LRRC4C: variants seen among roughly 807,000 people sequenced by gnomAD.
LRRC4C encodes the protein leucine rich repeat containing 4C.
Under a neutral mutation model 33.6 loss-of-function variants are expected in LRRC4C, and 5 were observed. That is an observed-to-expected ratio of 0.15 (90% CI 0.08 to 0.31). LRRC4C has a LOEUF of 0.31. Ranked by LOEUF, LRRC4C falls within the 10% of genes least tolerant of loss-of-function variation. The pLI, the probability that LRRC4C is intolerant of heterozygous loss-of-function variation, is 1.00. For synonymous variants in LRRC4C, 329 were observed against 302.0 expected, an observed-to-expected ratio of 1.09 and a Z score of -0.93; for missense variants, 560 against 796.7, an observed-to-expected ratio of 0.70 and a Z score of 3.58.
chr11:40,695,655 C>A (rs1481412872), intron 2 of LRRC4C, among the ~76,000 whole-genome samples: 1 of 152,064 alleles, frequency 6.6e-6, no homozygotes, highest in Non-Finnish European at 1.5e-5. Flanking sequence ...AGGGGAGAAT[C>A]AATTTCCTTG....
intron 3 of LRRC4C, among the ~76,000 whole-genome samples, chr11:40,329,749 T>C (rs1331087471): frequency 2.0e-5 from 3 of 149,286 alleles, no homozygotes; most frequent in African/African-American, 7.5e-5. Flanking sequence ...TTTTTTTTTT[T>C]TTTTTTTTTT....
intron 3 of LRRC4C, among the ~76,000 whole-genome samples, chr11:40,431,007 T>C (rs1950903899): frequency 7.1e-6 from 1 of 140,394 alleles, no homozygotes; most frequent in South Asian, 2.4e-4. Context: ...AGATGAGGAG[T>C]TAGTGGGTGC....
At chr11:41,100,139 C>T (rs1215374139) in intron 1 of LRRC4C, among the ~76,000 whole-genome samples, 1 of 151,958 alleles carries the variant, frequency 6.6e-6, no homozygotes, top group Non-Finnish European at 1.5e-5. Flanking sequence ...CAAAAATCCA[C>T]CTAGGAATAC....
intron 1 of LRRC4C, among the ~76,000 whole-genome samples, chr11:41,305,601 TA>T (rs1950474107): frequency 1.5e-5 from 1 of 64,562 alleles, no homozygotes; most frequent in Non-Finnish European, 3.9e-5. Context: ...TCTGTGACCT[TA>T]CCCTCAACCC....
At chr11:40,450,084 T>C (rs1201590001) in intron 3 of LRRC4C, among the ~76,000 whole-genome samples, 1 of 152,168 alleles carries the variant, frequency 6.6e-6, no homozygotes, top group Non-Finnish European at 1.5e-5. Flanking sequence ...AAACCAATAA[T>C]GTATTGTTAT....
chr11:40,264,006 TGAGAAATAAATTCTAGATCTTGA>T (rs1404681056), intron 4 of LRRC4C, among the ~76,000 whole-genome samples: 1 of 152,150 alleles, frequency 6.6e-6, no homozygotes, highest in Non-Finnish European at 1.5e-5. Context: ...GGCACCGGAT[TGAGAAATAAATTCTAGATCTTGA>T]TTGATCCATT....
At chr11:40,513,266 A>G (rs571715015) in intron 3 of LRRC4C, among the ~76,000 whole-genome samples, 211 of 151,444 alleles carry the variant, frequency 1.4e-3, no homozygotes, top group African/African-American at 3.6e-3. Context: ...AAAAAAAAAA[A>G]AAAGAAAAGA....
At chr11:41,308,742 C>G (rs192056001) in intron 1 of LRRC4C, among the ~76,000 whole-genome samples, 7 of 151,788 alleles carry the variant, frequency 4.6e-5, no homozygotes, top group African/African-American at 1.7e-4. Flanking sequence ...AAAGTTGTTT[C>G]ACAGAAGACA....
intron 3 of LRRC4C, among the ~76,000 whole-genome samples, chr11:40,613,007 G>A (rs1278263181): frequency 1.3e-5 from 2 of 151,906 alleles, no homozygotes; most frequent in East Asian, 3.9e-4. Context: ...GCTTAAAAAT[G>A]CTAACAAGCA....
chr11:41,277,197 C>T (rs1949511439), intron 1 of LRRC4C, among the ~76,000 whole-genome samples: 1 of 151,938 alleles, frequency 6.6e-6, no homozygotes, highest in South Asian at 2.1e-4. Flanking sequence ...AAAATATTTC[C>T]CCAATTTAAA....
intron 2 of LRRC4C, among the ~76,000 whole-genome samples, chr11:40,731,872 G>T (rs1449047710): frequency 2.0e-5 from 3 of 151,902 alleles, no homozygotes; most frequent in African/African-American, 7.3e-5. Flanking sequence ...TCTATGAATG[G>T]AGTCTTCTGA....
intron 2 of LRRC4C, among the ~76,000 whole-genome samples, chr11:40,709,343 T>C (rs1591521864): frequency 6.6e-6 from 1 of 152,110 alleles, no homozygotes; most frequent in East Asian, 1.9e-4. Context: ...TGGCTGGTAG[T>C]AGTTGTTCTT....
intron 1 of LRRC4C, among the ~76,000 whole-genome samples, chr11:41,395,207 G>T (rs188105032): frequency 6.6e-6 from 1 of 151,884 alleles, no homozygotes; most frequent in Non-Finnish European, 1.5e-5. Flanking sequence ...AAAAATGAGC[G>T]CCTATTCTTG....
intron 2 of LRRC4C, among the ~76,000 whole-genome samples, chr11:40,676,493 A>G (rs1338109387): frequency 2.0e-5 from 3 of 152,184 alleles, no homozygotes; most frequent in Admixed American, 2.0e-4. Context: ...ATTATTGGAA[A>G]GGGTGTTTTA....
chr11:40,958,724 T>G (rs1460954869), intron 1 of LRRC4C, among the ~76,000 whole-genome samples: 1 of 151,814 alleles, frequency 6.6e-6, no homozygotes, highest in Non-Finnish European at 1.5e-5. Flanking sequence ...GCATTTAGTC[T>G]AATTCTTTTA....
chr11:40,614,362 C>T (rs2861924), intron 3 of LRRC4C, among the ~76,000 whole-genome samples: 5,689 of 151,870 alleles, frequency 0.037, 347 homozygotes, highest in African/African-American at 0.13. Flanking sequence ...AGCTCATGAA[C>T]CCACCTCTGC....
intron 2 of LRRC4C, among the ~76,000 whole-genome samples, chr11:40,914,145 T>C (rs1165225144): frequency 6.6e-6 from 1 of 152,168 alleles, no homozygotes; most frequent in African/African-American, 2.4e-5. Context: ...CCATTCCTTC[T>C]GATACTATTT....
At chr11:40,888,573 G>A (rs557194580) in intron 2 of LRRC4C, among the ~76,000 whole-genome samples, 58 of 151,992 alleles carry the variant, frequency 3.8e-4, no homozygotes, top group Middle Eastern at 6.8e-3. Context: ...TTCCCTCAAG[G>A]AAACTAAGTT....
rs920790107 is a variant in LRRC4C, at chr11:41,085,565, C to T, written c.-495-151842G>A. Among the ~76,000 whole-genome samples, 14 of 152,182 alleles carry T rather than the reference C, an allele frequency of 9.2e-5. No homozygotes were observed. The South Asian group carries it at 2.7e-3, about 29-fold the overall frequency. On this transcript the variant is annotated intron_variant, in intron 1 of 6. Coordinates refer to ENST00000528697, the MANE Select transcript of LRRC4C (RefSeq NM_001258419.2). Reference sequence around the variant, plus strand: ...TTAGGAGGATCAAATAACTCAATGCCTAGTCTGTGCTTACCTCTGTGTCTA... The same window carrying T: ...TTAGGAGGATCAAATAACTCAATGCTTAGTCTGTGCTTACCTCTGTGTCTA...
Sources: allele counts gnomAD v4.1 joint callset (sites outside exome capture counted in the v4.1 genomes callset), GRCh38; gene constraint gnomAD v4.1.1; transcripts MANE v1.5; gene names NCBI Gene and HGNC (gene_info 2026-07-23, HGNC 2026-07-21).